Variants in ARHGEF18 observed in about 807,000 individuals in gnomAD.
ARHGEF18 encodes Rho/Rac guanine nucleotide exchange factor 18.
ARHGEF18 carries 93 observed loss-of-function variants against 155.7 expected under a neutral mutation model. That is an observed-to-expected ratio of 0.60 (90% CI 0.50 to 0.71). The LOEUF (loss-of-function observed/expected upper bound fraction) is 0.71, where lower values mean the gene tolerates loss of function less well. Ranked by LOEUF, ARHGEF18 falls within the 30% of genes least tolerant of loss-of-function variation. ARHGEF18 has a pLI of 0.00. For synonymous variants in ARHGEF18, 742 were observed against 753.1 expected (o/e 0.99, Z 0.24); for missense variants, 1,593 against 1,816.1 (o/e 0.88, Z 2.23).
intron 1 of ARHGEF18, among the ~76,000 whole-genome samples, chr19:7,350,763 GGTGGGTGTGTGTGTGTGTGT>G (rs1452621344): frequency 1.1e-3 from 150 of 133,252 alleles, no homozygotes; most frequent in Middle Eastern, 7.6e-3. Flanking sequence ...AGTTTTTTGG[GGTGGGTGTGTGTGTGTGTGT>G]GTGTGTGTGT....
At chr19:7,439,888 T>G (rs914142427) in intron 10 of ARHGEF18, 40 of 1,452,260 alleles carry the variant, frequency 2.8e-5, no homozygotes, top group Non-Finnish European at 1.5e-5. Flanking sequence ...GGGGTTGTTT[T>G]TTTTTTCTGT....
intron 1 of ARHGEF18, among the ~76,000 whole-genome samples, chr19:7,362,218 G>GA: frequency 7.1e-6 from 1 of 140,612 alleles, no homozygotes; most frequent in East Asian, 2.0e-4. Context: ...GAAAAGAAGA[G>GA]GAAGAAGAGG....
intron 10 of ARHGEF18, among the ~76,000 whole-genome samples, chr19:7,397,499 G>C (rs1048911633): frequency 8.6e-6 from 1 of 116,832 alleles, no homozygotes; most frequent in African/African-American, 5.1e-5. Context: ...TGGGAGGCCC[G>C]GGGGGGGGCA....
chr19:7,401,630 A>T (rs779148903), intron 10 of ARHGEF18, among the ~76,000 whole-genome samples: 9 of 152,064 alleles, frequency 5.9e-5, no homozygotes, highest in Non-Finnish European at 1.3e-4. Flanking sequence ...ACCCTCATAC[A>T]CTGCTGGTGG....
chr19:7,440,127 G>A lies in ARHGEF18; in HGVS notation c.968-217G>A. On this transcript the variant is annotated intron_variant, in intron 10 of 28. Coordinates refer to ENST00000668164, the MANE Select transcript of ARHGEF18 (RefSeq NM_001367823.1). This position sits in a 1 kb window ranked among gnomAD's most constrained non-coding sequence, Gnocchi z 5.4. ...CATGGGGAATGCGCACTCCAAAAGC[G>A]GGGACAGGCACAGCGCGCTCCCCGG... The A allele has an allele frequency of 6.4e-7, 1 of 1,551,078 alleles. No homozygotes were observed. Among genetic ancestry groups the A allele is most frequent in the Non-Finnish European group, 8.7e-7 (1 of 1,146,822 alleles).
chr19:7,363,615 A>G (rs938197748), intron 2 of ARHGEF18, among the ~76,000 whole-genome samples: 1 of 151,680 alleles, frequency 6.6e-6, no homozygotes. Flanking sequence ...TGGATGGATG[A>G]AAGGAAAGAG....
Position 7,452,969 on chromosome 19 carries a change from G to A in ARHGEF18, c.1856-498G>A, listed in dbSNP as rs1044561486. ...CCAGCACTTTGGGAGGCTGAGGCAG[G>A]CGGATCACTTGAAGTCAGGAGTTTG... On this transcript the variant is annotated intron_variant, in intron 16 of 28. Transcript: ENST00000668164. Among the ~76,000 whole-genome samples the A allele has an allele frequency of 1.4e-4, 21 of 151,856 alleles. 1 individual carries two copies. Among genetic ancestry groups the A allele is most frequent in the Non-Finnish European group, 1.6e-4 (11 of 68,000 alleles).
intron 15 of ARHGEF18, among the ~76,000 whole-genome samples, chr19:7,448,898 C>T (rs1319539876): frequency 6.6e-6 from 1 of 152,110 alleles, no homozygotes; most frequent in Admixed American, 6.5e-5. Flanking sequence ...TTTAGAGGCC[C>T]TAACACTGCT....
rs144669067 is a variant in ARHGEF18 at position 7,411,691 on chromosome 19, C to A, written c.967+28488C>A. 6.2e-3 allele frequency among the ~76,000 whole-genome samples: 938 copies of A among 152,218 alleles called. 4 individuals carry two copies. The highest frequency in any genetic ancestry group is 7.9e-3 in the Non-Finnish European group (537 of 68,012). On this transcript the variant is annotated intron_variant, in intron 10 of 28. Transcript: ENST00000668164. Reference sequence around the variant, plus strand: ...ACATACACATTGCTGATGCTACCATCACCACCATCCATCTCTAGAACTTTC... The same window carrying A: ...ACATACACATTGCTGATGCTACCATAACCACCATCCATCTCTAGAACTTTC...
chr19:7,464,529 C>T (rs2287919), intron 22 of ARHGEF18, 31 bp from the exon 23 acceptor site: 340,069 of 1,590,582 alleles, frequency 0.21, 37,631 homozygotes, highest in Non-Finnish European at 0.23. Context: ...GGGATGGCAG[C>T]ATCCTCATGC....
chr19:7,362,707 A>G, intron 1 of ARHGEF18, 74 bp from the exon 2 acceptor site: 1 of 1,214,234 alleles, frequency 8.2e-7, no homozygotes, highest in East Asian at 3.2e-5. Context: ...CCAGCAACAG[A>G]TGCAGAATCC....
chr19:7,461,311 G>A (rs1186239170), intron 20 of ARHGEF18, among the ~76,000 whole-genome samples: 1 of 152,108 alleles, frequency 6.6e-6, no homozygotes, highest in Non-Finnish European at 1.5e-5. Context: ...CACTTTGGGA[G>A]GCCAAAGCAG....
chr19:7,457,910 C>T (rs938557249), intron 18 of ARHGEF18, among the ~76,000 whole-genome samples: 2 of 152,050 alleles, frequency 1.3e-5, no homozygotes, highest in African/African-American at 2.4e-5. Context: ...TACTACATAC[C>T]GTTGTATCTT....
At chr19:7,433,130 T>C (rs1424021110) in intron 10 of ARHGEF18, among the ~76,000 whole-genome samples, 3 of 150,712 alleles carry the variant, frequency 2.0e-5, no homozygotes, top group Admixed American at 6.6e-5. Context: ...CACTGTACTC[T>C]AGCCTAGATG....
chr19:7,415,121 C>G (rs1056121545), intron 10 of ARHGEF18, among the ~76,000 whole-genome samples: 6 of 152,146 alleles, frequency 3.9e-5, no homozygotes, highest in East Asian at 3.8e-4. Flanking sequence ...CTCCCAAGAC[C>G]GCTTTCAACA....
In ARHGEF18 at chr19:7,420,932, G is replaced by GT. The variant is rs1973317811; in HGVS notation, c.968-19405dup. Among the ~76,000 whole-genome samples, 3 of 152,134 alleles carry GT rather than the reference G, an allele frequency of 2.0e-5. No homozygotes were observed. The South Asian group carries it at 6.2e-4, about 32-fold the overall frequency. On this transcript the variant is annotated intron_variant, in intron 10 of 28. Coordinates refer to ENST00000668164, the MANE Select transcript of ARHGEF18 (RefSeq NM_001367823.1). ...ACAGCTCTGTTCAAAACTGTTTTTT[G>GT]TTTTTTTGTTTTTGTTTTGAAACAG...
At chr19:7,458,817 C>A in intron 19 of ARHGEF18, 127 bp downstream of exon 19, 1 of 1,108,514 alleles carries the variant, frequency 9.0e-7, no homozygotes, top group Non-Finnish European at 1.2e-6. Flanking sequence ...ACCCATGACG[C>A]CATTCCAGCT....
intron 2 of ARHGEF18, among the ~76,000 whole-genome samples, chr19:7,372,381 G>A (rs1421760230): frequency 6.6e-6 from 1 of 151,638 alleles, no homozygotes; most frequent in Non-Finnish European, 1.5e-5. Flanking sequence ...TGGACAGAAT[G>A]ACAAATACAA....
intron 5 of ARHGEF18, 111 bp downstream of exon 5, chr19:7,376,868 G>T: frequency 1.3e-6 from 1 of 776,792 alleles, no homozygotes. Flanking sequence ...GGGTCCCCTT[G>T]GTGGGGCTCC....
Sources: gnomAD v4.1 joint callset for allele counts (sites outside exome capture counted in the v4.1 genomes callset) on GRCh38, gnomAD v4.1.1 for gene constraint, Gnocchi (gnomAD v3.1) non-coding constraint, MANE v1.5 for transcripts, NCBI Gene and HGNC (gene_info 2026-07-23, HGNC 2026-07-21) for gene names.